Variants in NAALADL2 observed in about 807,000 individuals in gnomAD.
NAALADL2 encodes the protein inactive N-acetylated-alpha-linked acidic dipeptidase-like protein 2.
A neutral mutation model predicts 87.2 loss-of-function variants in NAALADL2; 76 were observed. That is an observed-to-expected ratio of 0.87 (90% CI 0.72 to 1.05). NAALADL2 has a LOEUF of 1.05. NAALADL2 is among the 50% of genes least tolerant of loss of function. The pLI, the probability that NAALADL2 is intolerant of heterozygous loss-of-function variation, is 0.00. For synonymous variants in NAALADL2, 354 were observed against 331.0 expected (o/e 1.07, Z -0.75); for missense variants, 1,089 against 945.8 (o/e 1.15, Z -1.99).
chr3:175,315,224 C>CATGTT (rs1225973435), intron 4 of NAALADL2, among the ~76,000 whole-genome samples: 1 of 152,054 alleles, frequency 6.6e-6, no homozygotes, highest in East Asian at 1.9e-4. Flanking sequence ...GTATCAGGCA[C>CATGTT]CTACCTTGCT....
chr3:175,348,899 A>AT (rs1403526561), intron 5 of NAALADL2, among the ~76,000 whole-genome samples: 3 of 152,192 alleles, frequency 2.0e-5, no homozygotes, highest in Non-Finnish European at 4.4e-5. Flanking sequence ...TGATTACAGA[A>AT]TAACCGTTTA....
intron 2 of NAALADL2, among the ~76,000 whole-genome samples, chr3:175,142,236 G>C (rs1159663899): frequency 1.3e-5 from 2 of 152,018 alleles, no homozygotes; most frequent in East Asian, 3.9e-4. Flanking sequence ...CTTTTCTAAA[G>C]TGAATTAAAC....
intron 1 of NAALADL2, among the ~76,000 whole-genome samples, chr3:174,974,786 G>A (rs911343715): frequency 6.6e-6 from 1 of 151,990 alleles, no homozygotes; most frequent in African/African-American, 2.4e-5. Flanking sequence ...GGTGGGTGGT[G>A]GGAGACAGAG....
chr3:175,511,240 A>C (rs1731109882), intron 9 of NAALADL2, among the ~76,000 whole-genome samples: 1 of 152,188 alleles, frequency 6.6e-6, no homozygotes, highest in Non-Finnish European at 1.5e-5. Flanking sequence ...AGCCAATGTC[A>C]AGGGCTGAAT....
chr3:175,475,706 C>T (rs1316785516), intron 9 of NAALADL2, among the ~76,000 whole-genome samples: 1 of 152,018 alleles, frequency 6.6e-6, no homozygotes, highest in African/African-American at 2.4e-5. Context: ...AGGGGACAGA[C>T]AGTGTTTTTT....
At chr3:174,829,686 G>T (rs1378168803) in intron 3 of NAALADL2, among the ~76,000 whole-genome samples, 1 of 142,530 alleles carries the variant, frequency 7.0e-6, no homozygotes, top group Non-Finnish European at 1.5e-5. Flanking sequence ...CTGAGGAATC[G>T]CCACACTGAC....
At chr3:174,769,953 A>T (rs1257598983) in intron 3 of NAALADL2, among the ~76,000 whole-genome samples, 1 of 151,064 alleles carries the variant, frequency 6.6e-6, no homozygotes, top group African/African-American at 2.4e-5. Context: ...TAAGATAGTT[A>T]TATATGCTTT....
At chr3:175,566,412 T>C (rs1401885375) in intron 9 of NAALADL2, among the ~76,000 whole-genome samples, 1 of 152,204 alleles carries the variant, frequency 6.6e-6, no homozygotes, top group Non-Finnish European at 1.5e-5. Context: ...GAAACACAAA[T>C]GATATCTTAC....
intron 1 of NAALADL2, among the ~76,000 whole-genome samples, chr3:174,958,213 TATAA>T (rs1343633815): frequency 1.3e-5 from 2 of 151,122 alleles, no homozygotes; most frequent in Non-Finnish European, 1.5e-5. Context: ...AATTTATATA[TATAA>T]ATAATCAATT....
intron 1 of NAALADL2, among the ~76,000 whole-genome samples, chr3:175,086,352 A>T (rs543810755): frequency 6.6e-6 from 1 of 152,150 alleles, no homozygotes; most frequent in Non-Finnish European, 1.5e-5. Flanking sequence ...AAAATGAAAT[A>T]ATGAGAAAGG....
intron 2 of NAALADL2, among the ~76,000 whole-genome samples, chr3:174,713,431 G>T (rs1730876073): frequency 6.6e-6 from 1 of 152,136 alleles, no homozygotes; most frequent in Non-Finnish European, 1.5e-5. Flanking sequence ...CAGTGTAAAA[G>T]TGTTCCTATT....
intron 1 of NAALADL2, among the ~76,000 whole-genome samples, chr3:174,909,201 C>G (rs1398520298): frequency 1.3e-5 from 2 of 152,026 alleles, no homozygotes; most frequent in African/African-American, 4.8e-5. Flanking sequence ...CAAGACCAGC[C>G]TGGCCAACAT....
intron 1 of NAALADL2, among the ~76,000 whole-genome samples, chr3:174,533,120 G>T (rs1038368152): frequency 4.7e-5 from 7 of 148,860 alleles, no homozygotes; most frequent in Non-Finnish European, 1.0e-4. Flanking sequence ...AAAAGCAAAT[G>T]TTTAGCCAAC....
intron 2 of NAALADL2, among the ~76,000 whole-genome samples, chr3:174,694,402 A>G (rs1253608105): frequency 6.6e-6 from 1 of 152,050 alleles, no homozygotes; most frequent in East Asian, 1.9e-4. Context: ...GTATCTTTGC[A>G]TATCTTTGCA....
intron 9 of NAALADL2, among the ~76,000 whole-genome samples, chr3:175,520,543 C>T (rs1322701590): frequency 6.6e-6 from 1 of 151,968 alleles, no homozygotes; most frequent in Non-Finnish European, 1.5e-5. Flanking sequence ...CATGATCCAC[C>T]CGCCTCGGCC....
At chr3:175,171,298 A>G (rs1400273043) in intron 2 of NAALADL2, among the ~76,000 whole-genome samples, 1 of 152,056 alleles carries the variant, frequency 6.6e-6, no homozygotes, top group Non-Finnish European at 1.5e-5. Flanking sequence ...TAGAGAGGAA[A>G]GTAAGCAATT....
At chr3:175,733,471 A>G (rs1379785768) in intron 11 of NAALADL2, among the ~76,000 whole-genome samples, 7 of 152,186 alleles carry the variant, frequency 4.6e-5, no homozygotes, top group African/African-American at 7.2e-5. Context: ...CCATGATTCA[A>G]TCATCTCCTA....
At chr3:174,981,567 T>A (rs1260085900) in intron 1 of NAALADL2, among the ~76,000 whole-genome samples, 1 of 152,164 alleles carries the variant, frequency 6.6e-6, no homozygotes, top group Non-Finnish European at 1.5e-5. Context: ...GTTTAATAAA[T>A]AATGTAATAA....
chr3:174,968,462 C>T (rs564891479), intron 1 of NAALADL2, among the ~76,000 whole-genome samples: 5 of 152,020 alleles, frequency 3.3e-5, no homozygotes, highest in African/African-American at 7.2e-5. Flanking sequence ...GAAAGTGACT[C>T]GATACAGGTT....
Sources: allele counts gnomAD v4.1 joint callset (sites outside exome capture counted in the v4.1 genomes callset), GRCh38; gene constraint gnomAD v4.1.1; transcripts MANE v1.5; gene names NCBI Gene and HGNC (gene_info 2026-07-23, HGNC 2026-07-21).